CEP57L1: variants seen among roughly 807,000 people sequenced by gnomAD.
CEP57L1 encodes the protein centrosomal protein CEP57L1.
Under a neutral mutation model 61.0 loss-of-function variants are expected in CEP57L1, and 37 were observed. The observed-to-expected ratio is 0.61, with a 90% CI of 0.47 to 0.80. The LOEUF (loss-of-function observed/expected upper bound fraction) is 0.80, where lower values mean the gene tolerates loss of function less well. Among genes scored for constraint, CEP57L1 ranks in the 30% least tolerant of loss-of-function variants. CEP57L1 has a pLI of 0.00. For missense variants in CEP57L1, 422 were observed against 524.7 expected (o/e 0.80, Z 1.91); for synonymous variants, 137 against 162.3 (o/e 0.84, Z 1.19).
At chr6:109,129,419 C>A in intron 1 of CEP57L1, 2 of 733,182 alleles carry the variant, frequency 2.7e-6, no homozygotes, top group Non-Finnish European at 4.2e-6. Context: ...GCTGAGTGTC[C>A]CCCAATCCAG....
chr6:109,106,039 G>C (rs1395390642), intron 1 of CEP57L1: 1 of 152,414 alleles, frequency 6.6e-6, no homozygotes, highest in Non-Finnish European at 1.5e-5. Context: ...CCCTAGATGG[G>C]ACTGTCTAGT....
At chr6:109,155,930 A>G (rs750957209) in intron 7 of CEP57L1, 53 bp downstream of exon 7, 44 of 825,548 alleles carry the variant, frequency 5.3e-5, no homozygotes, top group Non-Finnish European at 8.4e-5. Context: ...ACTTATTTAT[A>G]TAACCTCTTA....
intron 1 of CEP57L1, chr6:109,100,332 T>C (rs1229959293): frequency 6.6e-6 from 1 of 152,092 alleles, no homozygotes; most frequent in East Asian, 1.9e-4. Flanking sequence ...AAGTAATTAA[T>C]GGATGGACGA....
intron 9 of CEP57L1, 23 bp downstream of exon 9, chr6:109,159,485 T>A (rs768839925): frequency 6.2e-7 from 1 of 1,600,570 alleles, no homozygotes; most frequent in East Asian, 2.2e-5. Context: ...ATTCTTTTTT[T>A]TTTTCAAGAG....
In CEP57L1 at chr6:109,171,673, A is replaced by G. The variant is rs1378349562; in HGVS notation, c.*8703A>G. Reference sequence around the variant, plus strand: ...AGTTTATATGCAAAGAAGTCTTGCAAGGGAGTACAAGCTTTAGGAGGACAG... The same window carrying G: ...AGTTTATATGCAAAGAAGTCTTGCAGGGGAGTACAAGCTTTAGGAGGACAG... On this transcript the variant is annotated 3_prime_UTR_variant, in exon 11 of 11. Coordinates refer to ENST00000517392, the MANE Select transcript of CEP57L1 (RefSeq NM_001271852.3). Among the ~76,000 whole-genome samples, 1 of 152,250 alleles carries G rather than the reference A, an allele frequency of 6.6e-6. No individual in the cohort carries two copies. Among genetic ancestry groups the G allele is most frequent in the East Asian group, 1.9e-4 (1 of 5,204 alleles).
rs1266922542 is a variant in CEP57L1 at position 109,159,305 on chromosome 6, C to T, written c.859C>T (p.Pro287Ser). Residue 287 changes from proline to serine, a missense_variant, in exon 9 of 11, where the codon CCT becomes TCT. By Grantham distance (74) the Pro-to-Ser change is moderately conservative (BLOSUM62 -1). Transcript: ENST00000517392. ...QHRDPHILQK[P>S]FNVTETRCLP... is the part of the protein sequence containing the mutation. Reference sequence around the variant, plus strand: ...TCGTGACCCACATATCCTTCAGAAACCTTTTAACGTGACTGAGACTAGATG... The same window carrying T: ...TCGTGACCCACATATCCTTCAGAAATCTTTTAACGTGACTGAGACTAGATG... 1.2e-6 allele frequency: 2 copies of T among 1,614,082 alleles called. No homozygotes were observed. Among genetic ancestry groups the T allele is most frequent in the Admixed American group, 1.7e-5 (1 of 59,986 alleles).
chr6:109,156,080 G>A (rs1773188472), intron 7 of CEP57L1: 1 of 384,340 alleles, frequency 2.6e-6, no homozygotes, highest in Non-Finnish European at 4.7e-6. Flanking sequence ...AAAAGTAGCA[G>A]CAGTCATGTA....
chr6:109,148,891 G>A (rs948041129), intron 3 of CEP57L1, among the ~76,000 whole-genome samples: 26 of 152,314 alleles, frequency 1.7e-4, no homozygotes, highest in Non-Finnish European at 1.2e-4. Context: ...ATTTGTTCAT[G>A]TGTTTTTTGG....
rs535896861 is a variant in CEP57L1, at chr6:109,149,438, G to C, written c.341-680G>C. On this transcript the variant is annotated intron_variant, in intron 3 of 10. Coordinates refer to ENST00000517392, the MANE Select transcript of CEP57L1 (RefSeq NM_001271852.3). ...AAGATCAGATGGTTGTAGATATGCG[G>C]CATTATTTCTGAGGGCTCTGTTCTG... 2.0e-5 allele frequency among the ~76,000 whole-genome samples: 3 copies of C among 152,278 alleles called. No individual in the cohort carries two copies. The South Asian group carries it at 6.2e-4, about 32-fold the overall frequency.
chr6:109,137,898 GT>G (rs1770918655), intron 1 of CEP57L1, among the ~76,000 whole-genome samples: 1 of 152,182 alleles, frequency 6.6e-6, no homozygotes, highest in Non-Finnish European at 1.5e-5. Context: ...TAGAATTAGT[GT>G]TTTATAAAGA....
rs780690971 is a variant in CEP57L1, at chr6:109,150,181, A to G, written c.404A>G (p.Tyr135Cys). The change falls in exon 4 of 11, where the codon TAT becomes TGT. Residue 135 changes from tyrosine (Y) to cysteine (C), a missense_variant. By Grantham distance (194) the Tyr-to-Cys change is radical (BLOSUM62 -2). Coordinates refer to ENST00000517392, the MANE Select transcript of CEP57L1 (RefSeq NM_001271852.3). ...ACTCTTCTAGAGAAGCAACTAGAAT[A>G]TACAAAGAGAATGGTTCTCAACGTA... is the stretch of plus-strand genomic sequence containing the variant. ...RCTLLEKQLE[Y>C]TKRMVLNVER... is the part of the protein sequence containing the mutation. The G allele has an allele frequency of 1.4e-5, 23 of 1,610,124 alleles. No individual in the cohort carries two copies. Among genetic ancestry groups the G allele is most frequent in the Non-Finnish European group, 1.9e-5 (22 of 1,176,692 alleles).
chr6:109,160,442 G>T (rs1202529683), intron 9 of CEP57L1, 130 bp from the exon 10 acceptor site: 1 of 643,096 alleles, frequency 1.6e-6, no homozygotes, highest in Non-Finnish European at 2.6e-6. Flanking sequence ...CCTAAAGAAA[G>T]AGGCTGTTTT....
At chr6:109,126,181 C>G (rs1477655263) in intron 1 of CEP57L1, among the ~76,000 whole-genome samples, 5 of 152,088 alleles carry the variant, frequency 3.3e-5, no homozygotes, top group Admixed American at 3.3e-4. Flanking sequence ...TGGAGACTTA[C>G]AGAAAGAATA....
chr6:109,147,465 C>T (rs923438395), intron 3 of CEP57L1, among the ~76,000 whole-genome samples: 5 of 152,078 alleles, frequency 3.3e-5, no homozygotes, highest in Admixed American at 3.3e-4. Context: ...AAATTTAGAA[C>T]ATAAGTCTTT....
Position 109,160,558 on chromosome 6 carries a change from C to G in CEP57L1, c.1017-14C>G. On this transcript the variant is annotated splice_polypyrimidine_tract_variant and intron_variant, in intron 9 of 10. Transcript: ENST00000517392. Reference sequence around the variant, plus strand: ...AAACTATAATACTGCTTAATATTTGCTATTCTTTCATAGGGAGCACCAAGA... The same window carrying G: ...AAACTATAATACTGCTTAATATTTGGTATTCTTTCATAGGGAGCACCAAGA... The G allele has an allele frequency of 6.3e-7, 1 of 1,575,456 alleles. No homozygotes were observed.
At chr6:109,129,427 C>T (rs1264490913) in intron 1 of CEP57L1, 1 of 668,842 alleles carries the variant, frequency 1.5e-6, no homozygotes, top group Non-Finnish European at 2.4e-6. Context: ...TCCCCCAATC[C>T]AGAGATATTC....
chr6:109,143,297 A>T (rs2114849981), intron 1 of CEP57L1, among the ~76,000 whole-genome samples: 1 of 152,272 alleles, frequency 6.6e-6, no homozygotes, highest in South Asian at 2.1e-4. Flanking sequence ...TTTTGGATCA[A>T]GCCTTTTGTA....
intron 1 of CEP57L1, among the ~76,000 whole-genome samples, chr6:109,101,332 A>AT (rs1782372735): frequency 6.6e-6 from 1 of 152,196 alleles, no homozygotes; most frequent in Admixed American, 6.5e-5. Context: ...AGCAATGTGC[A>AT]TTTATAGTTA....
chr6:109,171,546 A>G lies in CEP57L1; in HGVS notation c.*8576A>G, dbSNP rs1414504427. On this transcript the variant is annotated 3_prime_UTR_variant, in exon 11 of 11. Transcript: ENST00000517392. ...AGGTGTGAGCCACCGCGCCCTGCCT[A>G]GAGTTTGATTCTCTTAAACCGTTCT... Among the ~76,000 whole-genome samples the G allele has an allele frequency of 6.6e-6, 1 of 152,014 alleles. No homozygotes were observed. The highest frequency in any genetic ancestry group is 1.9e-4 in the East Asian group (1 of 5,192).
Sources: allele counts gnomAD v4.1 joint callset (sites outside exome capture counted in the v4.1 genomes callset), GRCh38; gene constraint gnomAD v4.1.1; transcripts MANE v1.5; gene names NCBI Gene and HGNC (gene_info 2026-07-23, HGNC 2026-07-21).